The following CPVL variants were observed in gnomAD, a reference collection of about 807,000 sequenced individuals.
The protein encoded by CPVL is probable serine carboxypeptidase CPVL.
In CPVL, 51 loss-of-function variants were observed where a neutral mutation model predicts 63.7. That is an observed-to-expected ratio of 0.80 (90% CI 0.64 to 1.01). The LOEUF is 1.01. CPVL is among the 50% of genes least tolerant of loss of function. The pLI is 0.00. For synonymous variants in CPVL, 195 were observed against 206.0 expected, an observed-to-expected ratio of 0.95 and a Z score of 0.46; for missense variants, 530 against 573.1, an observed-to-expected ratio of 0.92 and a Z score of 0.77.
At chr7:29,023,493 G>C (rs1335899479) in intron 12 of CPVL, among the ~76,000 whole-genome samples, 1 of 152,118 alleles carries the variant, frequency 6.6e-6, no homozygotes, top group Non-Finnish European at 1.5e-5. Context: ...GGGATTATGG[G>C]AGCTACAACT....
chr7:29,091,272 G>A (rs944968756), intron 6 of CPVL, among the ~76,000 whole-genome samples: 1 of 152,190 alleles, frequency 6.6e-6, no homozygotes, highest in African/African-American at 2.4e-5. Flanking sequence ...GGGAAGGAAA[G>A]ACAGAAACGG....
At chr7:29,000,619 C>T (rs914345130) in intron 12 of CPVL, among the ~76,000 whole-genome samples, 3 of 152,162 alleles carry the variant, frequency 2.0e-5, no homozygotes, top group African/African-American at 4.8e-5. Context: ...AACAGGCAAA[C>T]GCTAGTGGGA....
chr7:29,109,642 G>T (rs1414745039), intron 3 of CPVL, among the ~76,000 whole-genome samples: 3 of 152,064 alleles, frequency 2.0e-5, no homozygotes, highest in African/African-American at 7.2e-5. Context: ...CCACATGGTG[G>T]TACCCATCTG....
At chr7:29,107,363 A>C (rs1382033605) in intron 3 of CPVL, among the ~76,000 whole-genome samples, 1 of 152,232 alleles carries the variant, frequency 6.6e-6, no homozygotes, top group African/African-American at 2.4e-5. Flanking sequence ...CATTCAATCC[A>C]CATCCTGATT....
intron 5 of CPVL, among the ~76,000 whole-genome samples, chr7:29,180,630 A>G (rs555761708): frequency 6.6e-6 from 1 of 152,352 alleles, no homozygotes; most frequent in East Asian, 1.9e-4. Flanking sequence ...CAATAAAAAT[A>G]CCTTTGGCAC....
At chr7:29,126,231 G>A (rs182874225) in intron 1 of CPVL, 22 of 152,232 alleles carry the variant, frequency 1.4e-4, no homozygotes, top group African/African-American at 5.1e-4. Context: ...CCAACTATGT[G>A]TTCAGTAATC....
intron 7 of CPVL, among the ~76,000 whole-genome samples, chr7:29,074,021 T>C (rs1220881451): frequency 6.6e-6 from 1 of 152,206 alleles, no homozygotes; most frequent in Admixed American, 6.5e-5. Flanking sequence ...TGGGAACCCC[T>C]GAAAGCTCTT....
chr7:29,065,560 C>T (rs566931712), intron 10 of CPVL, among the ~76,000 whole-genome samples: 1 of 152,330 alleles, frequency 6.6e-6, no homozygotes, highest in Non-Finnish European at 1.5e-5. Flanking sequence ...GAGGGCCATA[C>T]TAAATGCATT....
At chr7:28,997,478 G>A (rs1250375292) in intron 12 of CPVL, among the ~76,000 whole-genome samples, 1 of 152,134 alleles carries the variant, frequency 6.6e-6, no homozygotes, top group Non-Finnish European at 1.5e-5. Flanking sequence ...CAACCTTGAC[G>A]TGCAGTAAGT....
In CPVL at chr7:29,146,440, G is replaced by A; in HGVS notation, c.-22C>T. The A allele has an allele frequency of 2.4e-6, 3 of 1,255,626 alleles. No individual in the cohort carries two copies. Among genetic ancestry groups the A allele is most frequent in the Non-Finnish European group, 3.2e-6 (3 of 936,378 alleles). 77.8% of individuals were successfully genotyped at this position (1,255,626 alleles called of 1,614,324 possible). A position where few individuals can be genotyped will look rare whatever the true frequency, so the allele number is the denominator to read the frequency against. ...CAGGCGGCACTTACGCGGCGCAGTC[G>A]GTGCTCCTCCCTGAGCCGCGGCGCG... On this transcript the variant is annotated 5_prime_UTR_variant, in exon 1 of 13. Coordinates refer to ENST00000265394, the MANE Select transcript of CPVL (RefSeq NM_031311.5).
intron 6 of CPVL, among the ~76,000 whole-genome samples, chr7:29,090,166 C>G (rs1296871698): frequency 6.6e-6 from 1 of 152,126 alleles, no homozygotes; most frequent in Non-Finnish European, 1.5e-5. Context: ...CCTGGCCACC[C>G]TTGAATTCTT....
At chr7:29,185,278 T>C (rs1012955728) in intron 3 of CPVL, among the ~76,000 whole-genome samples, 1 of 152,222 alleles carries the variant, frequency 6.6e-6, no homozygotes, top group African/African-American at 2.4e-5. Context: ...TAAGTGCCTA[T>C]TGTTTATGCT....
chr7:29,155,623 C>T (rs1039602852), intron 5 of CPVL, among the ~76,000 whole-genome samples: 2 of 152,174 alleles, frequency 1.3e-5, no homozygotes, highest in African/African-American at 4.8e-5. Context: ...GTCTAGCTGC[C>T]TCCACTCCAA....
intron 11 of CPVL, among the ~76,000 whole-genome samples, chr7:29,054,020 T>C (rs1790461713): frequency 6.6e-6 from 1 of 151,962 alleles, no homozygotes; most frequent in Non-Finnish European, 1.5e-5. Context: ...GACAGTAAGA[T>C]ATGACCACAC....
At chr7:29,158,187 A>G (rs185804642) in intron 5 of CPVL, among the ~76,000 whole-genome samples, 3 of 152,336 alleles carry the variant, frequency 2.0e-5, no homozygotes, top group South Asian at 2.1e-4. Context: ...TAAGAAGAGC[A>G]TGAGTTCCGG....
chr7:29,147,166 G>A (rs995487795), upstream of CPVL: 1 of 676,588 alleles, frequency 1.5e-6, no homozygotes, highest in Non-Finnish European at 2.4e-6. Context: ...CAGGTGCTGG[G>A]CATCGAGCCA....
chr7:29,135,066 T>C (rs1791059196), intron 1 of CPVL, among the ~76,000 whole-genome samples: 2 of 143,490 alleles, frequency 1.4e-5, no homozygotes, highest in Admixed American at 1.4e-4. Flanking sequence ...ATCGCACCAC[T>C]GCACTCCAGC....
intron 12 of CPVL, among the ~76,000 whole-genome samples, chr7:28,998,288 A>G (rs1309838777): frequency 6.6e-6 from 1 of 152,222 alleles, no homozygotes; most frequent in Non-Finnish European, 1.5e-5. Context: ...TTTGGCAGCA[A>G]TGGTCCGGAA....
intron 11 of CPVL, among the ~76,000 whole-genome samples, chr7:29,043,276 T>C (rs1789300590): frequency 6.6e-6 from 1 of 151,920 alleles, no homozygotes; most frequent in Non-Finnish European, 1.5e-5. Flanking sequence ...GTGTTCTTTA[T>C]GTTTTTATCT....
Sources: allele counts gnomAD v4.1 joint callset (sites outside exome capture counted in the v4.1 genomes callset), GRCh38; gene constraint gnomAD v4.1.1; transcripts MANE v1.5; gene names NCBI Gene and HGNC (gene_info 2026-07-23, HGNC 2026-07-21).